CAMTA1: variants seen among roughly 807,000 people sequenced by gnomAD.
The protein encoded by CAMTA1 is calmodulin binding transcription activator 1.
CAMTA1 carries 27 observed loss-of-function variants against 170.9 expected under a neutral mutation model. The observed-to-expected ratio is 0.16, with a 90% confidence interval of 0.12 to 0.22. The LOEUF is 0.22. Among genes scored for constraint, CAMTA1 ranks in the 10% least tolerant of loss-of-function variants. CAMTA1 has a pLI of 1.00. For synonymous variants in CAMTA1, 833 were observed against 891.5 expected (o/e 0.93, Z 1.17); for missense variants, 1,619 against 2,217.2 (o/e 0.73, Z 5.42).
At chr1:6,886,879 GTCA>G (rs1673387111) in intron 3 of CAMTA1, among the ~76,000 whole-genome samples, 1 of 152,202 alleles carries the variant, frequency 6.6e-6, no homozygotes, top group South Asian at 2.1e-4. Flanking sequence ...CATTTTAGAA[GTCA>G]TCTTTCACTT....
intron 4 of CAMTA1, among the ~76,000 whole-genome samples, chr1:7,105,148 A>T (rs1353940953): frequency 6.6e-6 from 1 of 152,230 alleles, no homozygotes; most frequent in Admixed American, 6.5e-5. Context: ...TTAATAGTAA[A>T]GTTAATTGAT....
At chr1:7,116,291 A>G (rs1249769900) in intron 4 of CAMTA1, among the ~76,000 whole-genome samples, 3 of 152,246 alleles carry the variant, frequency 2.0e-5, no homozygotes, top group African/African-American at 4.8e-5. Context: ...TTGTAGGTAC[A>G]TAAGTTAAAA....
chr1:6,858,748 C>T (rs899355303), intron 3 of CAMTA1, among the ~76,000 whole-genome samples: 5 of 152,104 alleles, frequency 3.3e-5, no homozygotes, highest in African/African-American at 9.7e-5. Context: ...CCTCTATTTG[C>T]TGAGTCTTAT....
intron 11 of CAMTA1, among the ~76,000 whole-genome samples, chr1:7,691,489 G>A (rs2096311138): frequency 6.6e-6 from 1 of 152,188 alleles, no homozygotes. Context: ...AGGGTGAGGG[G>A]AGACCAGGAA....
At chr1:7,276,295 A>ATTTT (rs1558345332) in intron 5 of CAMTA1, among the ~76,000 whole-genome samples, 1 of 21,268 alleles carries the variant, frequency 4.7e-5, no homozygotes, top group African/African-American at 5.3e-4. Flanking sequence ...ATATATATAT[A>ATTTT]TATATATATT....
intron 4 of CAMTA1, among the ~76,000 whole-genome samples, chr1:7,170,205 T>C (rs1649311405): frequency 6.6e-6 from 1 of 152,218 alleles, no homozygotes; most frequent in Admixed American, 6.5e-5. Flanking sequence ...TCCATGTGTT[T>C]TAACATGTAG....
Position 6,893,150 on chromosome 1 carries a change from C to T in CAMTA1, c.234+67940C>T, listed in dbSNP as rs560352342. Among the ~76,000 whole-genome samples the T allele has an allele frequency of 1.3e-3, 191 of 152,058 alleles. 1 individual carries two copies. Among genetic ancestry groups the T allele is most frequent in the African/African-American group, 4.5e-3 (185 of 41,482 alleles). On this transcript the variant is annotated intron_variant, in intron 3 of 22. Coordinates refer to ENST00000303635, the MANE Select transcript of CAMTA1 (RefSeq NM_015215.4). ...GCAAAAAATTAGCCGGGCATGGTGGCGTGCCTGTAATCCCAGCTACTCAGG... is the reference window on the plus strand; with the variant it reads ...GCAAAAAATTAGCCGGGCATGGTGGTGTGCCTGTAATCCCAGCTACTCAGG...
intron 1 of CAMTA1, among the ~76,000 whole-genome samples, chr1:6,797,934 A>G (rs1642919551): frequency 6.6e-6 from 1 of 151,666 alleles, no homozygotes; most frequent in Non-Finnish European, 1.5e-5. Context: ...GAAATAATTT[A>G]TATATTATTT....
At chr1:7,604,741 A>G (rs1167556192) in intron 6 of CAMTA1, among the ~76,000 whole-genome samples, 1 of 152,112 alleles carries the variant, frequency 6.6e-6, no homozygotes, top group African/African-American at 2.4e-5. Context: ...TTTCCTTTGG[A>G]GGAGGAGAGG....
At chr1:7,006,846 C>T (rs1043008137) in intron 3 of CAMTA1, among the ~76,000 whole-genome samples, 1 of 152,148 alleles carries the variant, frequency 6.6e-6, no homozygotes, top group Non-Finnish European at 1.5e-5. Context: ...CTCTTCATGA[C>T]ATCAACCAGT....
At chr1:6,995,311 T>G (rs908001415) in intron 3 of CAMTA1, among the ~76,000 whole-genome samples, 3 of 128,860 alleles carry the variant, frequency 2.3e-5, no homozygotes, top group Non-Finnish European at 5.0e-5. Flanking sequence ...TTTTTTTTTT[T>G]TTTTTTTTGA....
chr1:7,644,018 C>T (rs1488816204), intron 7 of CAMTA1, among the ~76,000 whole-genome samples: 2 of 152,226 alleles, frequency 1.3e-5, no homozygotes, highest in African/African-American at 2.4e-5. Flanking sequence ...TCACATAAAT[C>T]GCGTGCCTTC....
intron 3 of CAMTA1, among the ~76,000 whole-genome samples, chr1:6,843,494 A>C (rs1479519111): frequency 6.6e-6 from 1 of 152,258 alleles, no homozygotes; most frequent in East Asian, 1.9e-4. Context: ...AGTTCTCAGA[A>C]TAGAGATTGG....
intron 5 of CAMTA1, among the ~76,000 whole-genome samples, chr1:7,353,616 G>T (rs2084869503): frequency 6.6e-6 from 1 of 151,828 alleles, no homozygotes; most frequent in Admixed American, 6.6e-5. Context: ...TAGAGATGGG[G>T]TTTCACCATG....
intron 5 of CAMTA1, among the ~76,000 whole-genome samples, chr1:7,316,216 G>T (rs1332940095): frequency 6.6e-6 from 1 of 152,218 alleles, no homozygotes. Context: ...TCCAAGATGA[G>T]ATTTGGGAGG....
chr1:7,574,153 G>T (rs1470999970), intron 6 of CAMTA1, among the ~76,000 whole-genome samples: 2 of 121,228 alleles, frequency 1.6e-5, no homozygotes, highest in Admixed American at 1.4e-4. Context: ...CACCCGACAG[G>T]CGGCAGCATG....
intron 3 of CAMTA1, among the ~76,000 whole-genome samples, chr1:6,895,444 G>A (rs1025509693): frequency 3.3e-5 from 5 of 152,170 alleles, no homozygotes; most frequent in Admixed American, 2.6e-4. Flanking sequence ...TGGACTTCAT[G>A]TCTCCAGTTT....
Position 7,456,812 on chromosome 1 carries a change from C to A in CAMTA1, c.439-11018C>A, listed in dbSNP as rs567404045. Among the ~76,000 whole-genome samples, 1 of 152,328 alleles carries A rather than the reference C, an allele frequency of 6.6e-6. No individual in the cohort carries two copies. The highest frequency in any genetic ancestry group is 2.4e-5 in the African/African-American group (1 of 41,564). On this transcript the variant is annotated intron_variant, in intron 5 of 22. Coordinates refer to ENST00000303635, the MANE Select transcript of CAMTA1 (RefSeq NM_015215.4). This position sits in a 1 kb window ranked among gnomAD's most constrained non-coding sequence, Gnocchi z 4.9. ...AGGGGCCCATGTGGGCCTGGCTGAA[C>A]GTCCTCAGAGGGTGGGAAAACAGGC...
At chr1:7,602,871 G>C (rs902028784) in intron 6 of CAMTA1, among the ~76,000 whole-genome samples, 1 of 152,200 alleles carries the variant, frequency 6.6e-6, no homozygotes, top group African/African-American at 2.4e-5. Flanking sequence ...GTTCTCATTG[G>C]TTTCAAAGAG....
Sources: gnomAD v4.1 joint callset for allele counts (sites outside exome capture counted in the v4.1 genomes callset) on GRCh38, gnomAD v4.1.1 for gene constraint, Gnocchi (gnomAD v3.1) non-coding constraint, MANE v1.5 for transcripts, NCBI Gene and HGNC (gene_info 2026-07-23, HGNC 2026-07-21) for gene names.